Variants in UNC5D observed in about 807,000 individuals in gnomAD.
The protein encoded by UNC5D is netrin receptor UNC5D.
Under a neutral mutation model 105.4 loss-of-function variants are expected in UNC5D, and 39 were observed. The ratio of observed to expected loss-of-function variants is 0.37; its 90% confidence interval spans 0.29 to 0.48. The LOEUF (loss-of-function observed/expected upper bound fraction) is 0.48, where lower values mean the gene tolerates loss of function less well. Among genes scored for constraint, UNC5D ranks in the 20% least tolerant of loss-of-function variants. UNC5D has a pLI of 0.98. For missense variants in UNC5D, 991 were observed against 1,202.4 expected, an observed-to-expected ratio of 0.82 and a Z score of 2.60; for synonymous variants, 452 against 450.4, an observed-to-expected ratio of 1.00 and a Z score of -0.04.
intron 1 of UNC5D, among the ~76,000 whole-genome samples, chr8:35,249,936 T>TC (rs1480313807): frequency 4.6e-5 from 7 of 151,786 alleles, no homozygotes; most frequent in Non-Finnish European, 8.8e-5. Flanking sequence ...TTTTTTTTTT[T>TC]CAAAATTGCA....
chr8:35,646,311 T>G (rs1480856643), intron 4 of UNC5D, among the ~76,000 whole-genome samples: 1 of 152,104 alleles, frequency 6.6e-6, no homozygotes, highest in African/African-American at 2.4e-5. Flanking sequence ...AGTGCTGAGA[T>G]GGCAGAAATT....
At chr8:35,787,610 GTTTT>G (rs996811851) in intron 16 of UNC5D, among the ~76,000 whole-genome samples, 5 of 150,840 alleles carry the variant, frequency 3.3e-5, no homozygotes, top group African/African-American at 7.5e-5. Context: ...AAGTTGTTCG[GTTTT>G]TTTGTTTGTT....
chr8:35,789,137 C>CGATATATATATA (rs1491172701), intron 16 of UNC5D, among the ~76,000 whole-genome samples: 1 of 32,432 alleles, frequency 3.1e-5, no homozygotes, highest in Admixed American at 2.8e-4. Context: ...GGAGAAAAGA[C>CGATATATATATA]TATATATATA....
intron 4 of UNC5D, among the ~76,000 whole-genome samples, chr8:35,612,614 T>G (rs546279891): frequency 4.2e-4 from 64 of 152,096 alleles, no homozygotes; most frequent in Non-Finnish European, 7.9e-4. Flanking sequence ...TACATCTTTT[T>G]GGGAGAATCA....
intron 3 of UNC5D, among the ~76,000 whole-genome samples, chr8:35,587,771 T>G (rs981485944): frequency 3.3e-5 from 5 of 151,874 alleles, no homozygotes; most frequent in Admixed American, 3.3e-4. Flanking sequence ...CAGAGATGCT[T>G]GACAACTCAG....
chr8:35,289,256 A>G (rs1806851239), intron 1 of UNC5D, among the ~76,000 whole-genome samples: 1 of 152,208 alleles, frequency 6.6e-6, no homozygotes, highest in Non-Finnish European at 1.5e-5. Context: ...ATAAAAAGAG[A>G]CAAAGAAGTT....
chr8:35,651,487 G>T (rs1823398064), intron 4 of UNC5D, among the ~76,000 whole-genome samples: 1 of 152,200 alleles, frequency 6.6e-6, no homozygotes, highest in African/African-American at 2.4e-5. Flanking sequence ...GGTGGCCTGA[G>T]CCAGATTGTA....
chr8:35,723,047 T>C (rs773628918), intron 9 of UNC5D, among the ~76,000 whole-genome samples: 1 of 152,210 alleles, frequency 6.6e-6, no homozygotes, highest in Non-Finnish European at 1.5e-5. Flanking sequence ...CTATTCCTTA[T>C]TGCAAGGTGG....
At chr8:35,464,453 G>A (rs1244493529) in intron 1 of UNC5D, among the ~76,000 whole-genome samples, 2 of 152,162 alleles carry the variant, frequency 1.3e-5, no homozygotes. Context: ...CCTTGAGAAA[G>A]CTGAATTACA....
intron 7 of UNC5D, among the ~76,000 whole-genome samples, chr8:35,692,372 A>G (rs1413949042): frequency 1.3e-5 from 2 of 152,332 alleles, no homozygotes; most frequent in South Asian, 4.1e-4. Context: ...GGACCATTCT[A>G]AACCTCATTG....
At chr8:35,614,108 T>C (rs1426128034) in intron 4 of UNC5D, among the ~76,000 whole-genome samples, 4 of 152,232 alleles carry the variant, frequency 2.6e-5, no homozygotes, top group Non-Finnish European at 4.4e-5. Flanking sequence ...ACTTGCCTGC[T>C]GTTTTAATAA....
In UNC5D at chr8:35,778,645, G is replaced by A. The variant is rs1322978568; in HGVS notation, c.2657+4168G>A. Among the ~76,000 whole-genome samples the A allele has an allele frequency of 5.9e-5, 9 of 152,218 alleles. No homozygotes were observed. In the East Asian group the frequency reaches 1.5e-3, roughly 26 times the overall value. On this transcript the variant is annotated intron_variant, in intron 16 of 16. Transcript: ENST00000404895. ...ACCTTAATCTTGTGACTGCACTTTCGCCTGACTCTTCCCCTCCATTCAATT... is the reference window on the plus strand; with the variant it reads ...ACCTTAATCTTGTGACTGCACTTTCACCTGACTCTTCCCCTCCATTCAATT...
rs900263808 is a variant in UNC5D, at chr8:35,748,538, A to T, written c.1778A>T (p.Asp593Val). 1.2e-6 allele frequency: 2 copies of T among 1,612,518 alleles called. No homozygotes were observed. The change falls in exon 12 of 17, where the codon GAT becomes GTT. Residue 593 changes from aspartate (D) to valine (V), a missense_variant. Coordinates refer to ENST00000404895, the MANE Select transcript of UNC5D (RefSeq NM_080872.4). ...TTTCAACTGTGAAGCCTCCAGTCAGATGGCTCTGAGGTGCTCCTGAGTCCT... is the reference window on the plus strand; with the variant it reads ...TTTCAACTGTGAAGCCTCCAGTCAGTTGGCTCTGAGGTGCTCCTGAGTCCT... ...INQGEPSLQS[D>V]GSEVLLSPEV...
At chr8:35,512,150 C>T (rs113313144) in intron 1 of UNC5D, among the ~76,000 whole-genome samples, 1,646 of 152,182 alleles carry the variant, frequency 0.011, 37 homozygotes, top group African/African-American at 0.038. Context: ...GGTTATACTA[C>T]AGTAAAACAC....
intron 2 of UNC5D, among the ~76,000 whole-genome samples, chr8:35,567,572 C>T (rs942915494): frequency 1.3e-5 from 2 of 152,180 alleles, no homozygotes; most frequent in Non-Finnish European, 2.9e-5. Context: ...TTGTCCTGAG[C>T]CTTTGAATGC....
chr8:35,520,523 T>G (rs1813391538), intron 1 of UNC5D, among the ~76,000 whole-genome samples: 1 of 152,166 alleles, frequency 6.6e-6, no homozygotes, highest in Non-Finnish European at 1.5e-5. Flanking sequence ...TTAGAACCAT[T>G]GAATTGTACA....
At chr8:35,329,792 C>T (rs1165652970) in intron 1 of UNC5D, among the ~76,000 whole-genome samples, 1 of 152,162 alleles carries the variant, frequency 6.6e-6, no homozygotes, top group Non-Finnish European at 1.5e-5. Context: ...ACATGAGGCT[C>T]TTATTGTACT....
At chr8:35,507,049 C>CTTTTTTT (rs71215631) in intron 1 of UNC5D, among the ~76,000 whole-genome samples, 195 of 76,160 alleles carry the variant, frequency 2.6e-3, no homozygotes, top group Middle Eastern at 0.018. Flanking sequence ...CAGGGCTTTT[C>CTTTTTTT]TTTTTTTTTT....
rs193141845 is a variant in UNC5D at position 35,602,278 on chromosome 8, G to A, written c.570+6621G>A. Among the ~76,000 whole-genome samples, 20 of 152,206 alleles carry A rather than the reference G, an allele frequency of 1.3e-4. No individual in the cohort carries two copies. The East Asian group carries it at 3.9e-3, about 29-fold the overall frequency. On this transcript the variant is annotated intron_variant, in intron 4 of 16. Transcript: ENST00000404895. Reference sequence around the variant, plus strand: ...AATTCTCTTTTTTTGTTGTGTCTCTGCCAGGCTTTGGTATCAGGATGATGC... The same window carrying A: ...AATTCTCTTTTTTTGTTGTGTCTCTACCAGGCTTTGGTATCAGGATGATGC...
Sources: gnomAD v4.1 joint callset for allele counts (sites outside exome capture counted in the v4.1 genomes callset) on GRCh38, gnomAD v4.1.1 for gene constraint, MANE v1.5 for transcripts, NCBI Gene and HGNC (gene_info 2026-07-23, HGNC 2026-07-21) for gene names.